CAST: variants seen among roughly 807,000 people sequenced by gnomAD.
The protein encoded by CAST is MIR583 host.
CAST carries 76 observed loss-of-function variants against 119.6 expected under a neutral mutation model. The observed-to-expected ratio is 0.64, with a 90% confidence interval of 0.53 to 0.77. CAST has a LOEUF of 0.77. Ranked by LOEUF, CAST falls within the 30% of genes least tolerant of loss-of-function variation. The probability of loss-of-function intolerance (pLI) is 0.00; values close to 1 mark genes in which losing one functional copy is unlikely to be tolerated. For missense variants in CAST, 953 were observed against 946.5 expected, an observed-to-expected ratio of 1.01 and a Z score of -0.09; for synonymous variants, 319 against 331.6, an observed-to-expected ratio of 0.96 and a Z score of 0.41.
At chr5:96,507,990 C>CATTATT in the CAST span, among the ~76,000 whole-genome samples, 10,492 of 142,108 alleles carry the variant, frequency 0.074, 431 homozygotes, top group African/African-American at 0.094. Flanking sequence ...ATATCCCTGA[C>CATTATT]ATTATTATTA....
At chr5:96,158,867 C>A in the CAST span, among the ~76,000 whole-genome samples, 3 of 152,038 alleles carry the variant, frequency 2.0e-5, no homozygotes, top group African/African-American at 7.2e-5. Flanking sequence ...AGAATAAATA[C>A]CAGTTTTTAT....
At chr5:96,123,428 G>C in the CAST span, among the ~76,000 whole-genome samples, 2 of 152,206 alleles carry the variant, frequency 1.3e-5, no homozygotes, top group South Asian at 2.1e-4. Context: ...CTTCCTGAAG[G>C]CTTGTTGATT....
At chr5:96,761,716 C>T (rs1037101756) in intron 24 of CAST, 1 of 152,466 alleles carries the variant, frequency 6.6e-6, no homozygotes, top group Non-Finnish European at 1.5e-5. Context: ...GAATATTTAA[C>T]GTTGAAAAAA....
At chr5:96,089,847 G>GATAAGTAA in the CAST span, among the ~76,000 whole-genome samples, 9 of 152,288 alleles carry the variant, frequency 5.9e-5, no homozygotes, top group South Asian at 1.9e-3. Flanking sequence ...CTAAATAAAT[G>GATAAGTAA]ATAAGTAAAT....
At chr5:96,728,010 A>G (rs1759607928) in intron 6 of CAST, among the ~76,000 whole-genome samples, 2 of 152,160 alleles carry the variant, frequency 1.3e-5, no homozygotes, top group Admixed American at 1.3e-4. Flanking sequence ...GCTAGTTAAC[A>G]GTTACACAGG....
chr5:96,427,103 G>C, the CAST span, among the ~76,000 whole-genome samples: 2 of 152,158 alleles, frequency 1.3e-5, no homozygotes, highest in Non-Finnish European at 2.9e-5. Context: ...TACACTTGGA[G>C]ATTTTATTAA....
the CAST span, among the ~76,000 whole-genome samples, chr5:96,436,661 C>G: frequency 6.6e-6 from 1 of 151,996 alleles, no homozygotes; most frequent in Non-Finnish European, 1.5e-5. Flanking sequence ...GATTCAGAAT[C>G]CATCTAAATT....
chr5:96,231,850 A>G, the CAST span, among the ~76,000 whole-genome samples: 12 of 152,094 alleles, frequency 7.9e-5, no homozygotes, highest in Non-Finnish European at 1.5e-4. Context: ...AACATATACC[A>G]TACTGTAGCT....
the CAST span, among the ~76,000 whole-genome samples, chr5:96,406,507 T>C: frequency 1.3e-5 from 2 of 152,188 alleles, no homozygotes; most frequent in African/African-American, 4.8e-5. Flanking sequence ...AGGTGGACTC[T>C]TGGTAAGAGC....
intron 1 of CAST, among the ~76,000 whole-genome samples, chr5:96,653,270 A>G (rs1748117612): frequency 6.6e-6 from 1 of 152,260 alleles, no homozygotes; most frequent in Admixed American, 6.5e-5. Context: ...AAGTTATGCC[A>G]GACATGTGTT....
chr5:96,762,161 G>T, intron 24 of CAST, 113 bp from the exon 25 acceptor site: 1 of 532,436 alleles, frequency 1.9e-6, no homozygotes, highest in South Asian at 3.7e-5. Context: ...AGTCTATTTG[G>T]TCAAGAGAAT....
chr5:96,513,939 C>G, the CAST span, among the ~76,000 whole-genome samples: 1 of 152,162 alleles, frequency 6.6e-6, no homozygotes. Flanking sequence ...GGTCAACAAT[C>G]CTTGCCATTC....
intron 1 of CAST, among the ~76,000 whole-genome samples, chr5:96,538,695 G>A (rs1384147439): frequency 6.6e-6 from 1 of 150,810 alleles, no homozygotes; most frequent in Non-Finnish European, 1.5e-5. Flanking sequence ...AACAGAAAAT[G>A]TAACATTGAA....
chr5:96,431,861 C>G, the CAST span, among the ~76,000 whole-genome samples: 1 of 152,090 alleles, frequency 6.6e-6, no homozygotes, highest in Non-Finnish European at 1.5e-5. Flanking sequence ...CAATGCAGAC[C>G]AACTTCCCAA....
the CAST span, among the ~76,000 whole-genome samples, chr5:96,323,558 G>C: frequency 6.6e-6 from 1 of 152,118 alleles, no homozygotes; most frequent in South Asian, 2.1e-4. Flanking sequence ...TTAAGAAAAT[G>C]GGACAATTCC....
chr5:96,383,547 A>G, the CAST span, among the ~76,000 whole-genome samples: 7 of 152,174 alleles, frequency 4.6e-5, no homozygotes, highest in African/African-American at 1.7e-4. Context: ...CCCAGGTTCA[A>G]GCAATTCTCT....
chr5:96,693,564 G>A (rs545890312), intron 2 of CAST, among the ~76,000 whole-genome samples: 1 of 152,178 alleles, frequency 6.6e-6, no homozygotes, highest in Non-Finnish European at 1.5e-5. Context: ...GTGTCACATT[G>A]AAAACAGACC....
chr5:96,663,785 T>C (rs1315644558), intron 1 of CAST, among the ~76,000 whole-genome samples: 1 of 152,132 alleles, frequency 6.6e-6, no homozygotes, highest in Non-Finnish European at 1.5e-5. Context: ...AAAGCGAGCT[T>C]CTCTGCACTT....
At chr5:96,368,430 T>C in the CAST span, among the ~76,000 whole-genome samples, 2 of 151,170 alleles carry the variant, frequency 1.3e-5, no homozygotes, top group South Asian at 4.3e-4. Flanking sequence ...AACCCAGGAG[T>C]TGGAGGTTGC....
Sources: allele counts gnomAD v4.1 joint callset (sites outside exome capture counted in the v4.1 genomes callset), GRCh38; gene constraint gnomAD v4.1.1; transcripts MANE v1.5; gene names NCBI Gene and HGNC (gene_info 2026-07-23, HGNC 2026-07-21).